Variants in LPAR1 observed in about 807,000 individuals in gnomAD.
LPAR1 encodes the protein lysophosphatidic acid receptor 1, also known as LPA receptor 1.
In LPAR1, 5 loss-of-function variants were observed where a neutral mutation model predicts 23.8. That is an observed-to-expected ratio of 0.21 (90% CI 0.11 to 0.44). LPAR1 has a LOEUF of 0.44. Ranked by LOEUF, LPAR1 falls within the 20% of genes least tolerant of loss-of-function variation. The probability of loss-of-function intolerance (pLI) is 0.99; values close to 1 mark genes in which losing one functional copy is unlikely to be tolerated. For missense variants in LPAR1, 311 were observed against 482.8 expected, an observed-to-expected ratio of 0.64 and a Z score of 3.33; for synonymous variants, 160 against 164.7, an observed-to-expected ratio of 0.97 and a Z score of 0.22.
chr9:110,878,160 A>G (rs893667528), intron 5 of LPAR1, among the ~76,000 whole-genome samples: 52 of 152,160 alleles, frequency 3.4e-4, no homozygotes, highest in African/African-American at 1.3e-3. Context: ...CCAACCACAC[A>G]GTCCCAACAC....
At position 110,990,277 on chromosome 9, in the gene LPAR1, C is replaced by T. The variant is rs981964128; in HGVS notation, c.-181-16719G>A. 3.3e-5 allele frequency among the ~76,000 whole-genome samples: 5 copies of T among 152,010 alleles called. No individual in the cohort carries two copies. In the East Asian group the frequency reaches 7.7e-4, roughly 23 times the overall value. On this transcript the variant is annotated intron_variant, in intron 2 of 5. Transcript: ENST00000683809. ...AATTTGACATTTTGAAAAGACTCAA[C>T]CCAACACCAGACTACACATTCCTCT...
At chr9:110,926,696 G>T (rs1321440598) in intron 5 of LPAR1, among the ~76,000 whole-genome samples, 1 of 151,632 alleles carries the variant, frequency 6.6e-6, no homozygotes, top group African/African-American at 2.4e-5. Context: ...GTGGTTTTGT[G>T]TTTTTTTTCC....
intron 5 of LPAR1, among the ~76,000 whole-genome samples, chr9:110,893,686 G>A (rs2085299614): frequency 6.6e-6 from 1 of 152,092 alleles, no homozygotes; most frequent in Non-Finnish European, 1.5e-5. Context: ...TCCAGGACAG[G>A]GTGGAAACTG....
At chr9:110,946,517 TGA>T (rs1293464834) in intron 4 of LPAR1, among the ~76,000 whole-genome samples, 1 of 152,142 alleles carries the variant, frequency 6.6e-6, no homozygotes, top group Non-Finnish European at 1.5e-5. Flanking sequence ...AGAAATTTTT[TGA>T]GATACATAGC....
intron 4 of LPAR1, among the ~76,000 whole-genome samples, chr9:110,962,912 A>C (rs1216320282): frequency 6.6e-6 from 1 of 152,152 alleles, no homozygotes; most frequent in Non-Finnish European, 1.5e-5. Flanking sequence ...GGACTCTATG[A>C]TTTTCTCAGG....
At chr9:110,931,719 C>T (rs143806417) in intron 5 of LPAR1, among the ~76,000 whole-genome samples, 2,511 of 152,292 alleles carry the variant, frequency 0.016, 13 homozygotes, top group Non-Finnish European at 0.028. Context: ...GGAAGGGATC[C>T]AGTTTCAGCT....
chr9:110,990,233 C>A (rs2096869938), intron 2 of LPAR1, among the ~76,000 whole-genome samples: 1 of 152,040 alleles, frequency 6.6e-6, no homozygotes, highest in Non-Finnish European at 1.5e-5. Flanking sequence ...ATGAACAATA[C>A]AAGTAGTCAA....
intron 2 of LPAR1, among the ~76,000 whole-genome samples, chr9:110,997,904 C>T (rs2140028729): frequency 6.6e-6 from 1 of 152,320 alleles, no homozygotes; most frequent in East Asian, 1.9e-4. Context: ...TTTTAACAAG[C>T]ACCCAAAGTG....
At chr9:110,977,858 A>G (rs376035909) in intron 2 of LPAR1, among the ~76,000 whole-genome samples, 96 of 101,314 alleles carry the variant, frequency 9.5e-4, no homozygotes, top group African/African-American at 3.6e-3. Context: ...GAAGGAAGGA[A>G]GGAAGGAAGG....
rs763201537 is a variant in LPAR1 at position 110,941,974 on chromosome 9, G to A, written c.240C>T (p.Phe80=). ...CCATTAGGTAATAAATAGGAAAATGGAAGCGGCGGTTGACATAGATTGCCA... is the reference window on the plus strand; with the variant it reads ...CCATTAGGTAATAAATAGGAAAATGAAAGCGGCGGTTGACATAGATTGCCA... ...VMVAIYVNRR[F]HFPIYYLMAN... is the part of the protein sequence containing the mutation. The change falls in exon 5 of 6, where the codon TTC becomes TTT. Residue 80 remains phenylalanine (F), a synonymous_variant. Coordinates refer to ENST00000683809, the MANE Select transcript of LPAR1 (RefSeq NM_001351411.2). The surrounding 1 kb of genome is among the most constrained non-coding windows in gnomAD (Gnocchi z 6.1). 55 of 1,614,054 alleles carry A rather than the reference G, an allele frequency of 3.4e-5. No homozygotes were observed. The highest frequency in any genetic ancestry group is 4.2e-5 in the Non-Finnish European group (50 of 1,180,016).
At chr9:111,032,018 G>A (rs1253771286) in intron 2 of LPAR1, among the ~76,000 whole-genome samples, 2 of 152,202 alleles carry the variant, frequency 1.3e-5, no homozygotes, top group Admixed American at 6.5e-5. Flanking sequence ...GAGAGAAGGG[G>A]TCTGTCCACA....
At chr9:110,893,392 C>G (rs1240944577) in intron 5 of LPAR1, among the ~76,000 whole-genome samples, 1 of 152,170 alleles carries the variant, frequency 6.6e-6, no homozygotes, top group African/African-American at 2.4e-5. Flanking sequence ...AGCCATTAAG[C>G]AGATTGGCAC....
chr9:111,030,995 G>A (rs150941101), intron 2 of LPAR1, among the ~76,000 whole-genome samples: 1 of 152,202 alleles, frequency 6.6e-6, no homozygotes, highest in East Asian at 1.9e-4. Flanking sequence ...ATTAATTTTT[G>A]TAGGTTTGTA....
At chr9:110,989,246 C>T (rs2096850671) in intron 2 of LPAR1, among the ~76,000 whole-genome samples, 1 of 152,188 alleles carries the variant, frequency 6.6e-6, no homozygotes, top group Admixed American at 6.5e-5. Flanking sequence ...GAGACAAGGA[C>T]TGGCTCTGTT....
intron 5 of LPAR1, among the ~76,000 whole-genome samples, chr9:110,898,138 C>G (rs2133668999): frequency 6.6e-6 from 1 of 152,274 alleles, no homozygotes; most frequent in Middle Eastern, 3.4e-3. Flanking sequence ...TGGCTCTATC[C>G]TGAAGGGTAA....
At chr9:110,891,050 T>G (rs10980616) in intron 5 of LPAR1, among the ~76,000 whole-genome samples, 41,225 of 152,108 alleles carry the variant, frequency 0.27, 8,558 homozygotes, top group African/African-American at 0.58. Context: ...CCATTTGTAC[T>G]GACATTCTAG....
intron 5 of LPAR1, among the ~76,000 whole-genome samples, chr9:110,880,343 T>A (rs924100509): frequency 1.3e-5 from 2 of 152,166 alleles, no homozygotes; most frequent in Non-Finnish European, 2.9e-5. Context: ...GAGATCATAT[T>A]ACCACACCTT....
chr9:110,999,568 A>G, intron 2 of LPAR1: 1 of 380,290 alleles, frequency 2.6e-6, no homozygotes, highest in South Asian at 1.9e-5. Flanking sequence ...TTTCTTACAG[A>G]TCTGAAGGCT....
chr9:110,950,490 A>T (rs1336222817), intron 4 of LPAR1, among the ~76,000 whole-genome samples: 1 of 151,374 alleles, frequency 6.6e-6, no homozygotes, highest in African/African-American at 2.4e-5. Flanking sequence ...AAAACTGGAA[A>T]TTTTTAAAAA....
Sources: allele counts gnomAD v4.1 joint callset (sites outside exome capture counted in the v4.1 genomes callset), GRCh38; gene constraint gnomAD v4.1.1; non-coding constraint Gnocchi (gnomAD v3.1); transcripts MANE v1.5; gene names NCBI Gene and HGNC (gene_info 2026-07-23, HGNC 2026-07-21).